The following CACNA2D4 variants were observed in gnomAD, a reference collection of about 807,000 sequenced individuals.
CACNA2D4 encodes the protein calcium voltage-gated channel auxiliary subunit alpha2delta 4.
CACNA2D4 carries 157 observed loss-of-function variants against 163.8 expected under a neutral mutation model. That is an observed-to-expected ratio of 0.96 (90% CI 0.84 to 1.09). The LOEUF is 1.09. Among genes scored for constraint, CACNA2D4 ranks in the 50% least tolerant of loss-of-function variants. The probability of loss-of-function intolerance (pLI) is 0.00; values close to 1 mark genes in which losing one functional copy is unlikely to be tolerated. For missense variants in CACNA2D4, 1,410 were observed against 1,479.9 expected (o/e 0.95, Z 0.78); for synonymous variants, 598 against 586.9 (o/e 1.02, Z -0.27).
In CACNA2D4 at chr12:1,839,354, C is replaced by T. The variant is rs990773288; in HGVS notation, c.2551+1385G>A. On this transcript the variant is annotated intron_variant, in intron 26 of 37. Coordinates refer to ENST00000382722, the MANE Select transcript of CACNA2D4 (RefSeq NM_172364.5). Reference sequence around the variant, plus strand: ...AAAACAAGGGTAAGGAGCGCTTCATCGCAGGGACCTGATCGTTCTCAGACA... The same window carrying T: ...AAAACAAGGGTAAGGAGCGCTTCATTGCAGGGACCTGATCGTTCTCAGACA... Among the ~76,000 whole-genome samples the T allele has an allele frequency of 1.4e-4, 21 of 152,346 alleles. No homozygotes were observed. In the East Asian group the frequency reaches 3.9e-3, roughly 28 times the overall value.
intron 1 of CACNA2D4, 27 bp from the exon 2 acceptor site, chr12:1,914,962 A>G: frequency 1.3e-6 from 2 of 1,512,212 alleles, no homozygotes; most frequent in Non-Finnish European, 9.2e-7. Context: ...GGACACGCGT[A>G]TACACACACG....
At chr12:1,876,683 T>G (rs2154449341) in intron 16 of CACNA2D4, among the ~76,000 whole-genome samples, 1 of 152,258 alleles carries the variant, frequency 6.6e-6, no homozygotes, top group East Asian at 1.9e-4. Flanking sequence ...GGATCCCCTT[T>G]CCCCTCTTTC....
At position 1,898,328 on chromosome 12, in the gene CACNA2D4, C is replaced by T. The variant is rs369698428; in HGVS notation, c.781+9112G>A. Among the ~76,000 whole-genome samples, 133 of 151,964 alleles carry T rather than the reference C, an allele frequency of 8.8e-4. 1 individual carries two copies. Among genetic ancestry groups the T allele is most frequent in the Non-Finnish European group, 1.6e-3 (111 of 67,976 alleles). On this transcript the variant is annotated intron_variant, in intron 6 of 37. Coordinates refer to ENST00000382722, the MANE Select transcript of CACNA2D4 (RefSeq NM_172364.5). ...GAGCAAATATTTGTAAATCATCAAT[C>T]CAACAAGAGGTTAATGTTCAGAATA...
intron 23 of CACNA2D4, among the ~76,000 whole-genome samples, chr12:1,847,235 A>G (rs1309037862): frequency 6.6e-6 from 1 of 152,198 alleles, no homozygotes; most frequent in Non-Finnish European, 1.5e-5. Flanking sequence ...TTGGCGTCAC[A>G]TATCTCCCTC....
chr12:1,834,469 G>GGAGCCC lies in CACNA2D4; in HGVS notation c.2551+6264_2551+6269dup. 6.2e-7 allele frequency: 1 copy of GGAGCCC among 1,610,640 alleles called. No individual in the cohort carries two copies. Among genetic ancestry groups the GGAGCCC allele is most frequent in the Non-Finnish European group, 8.5e-7 (1 of 1,179,804 alleles). ...CCAAGCCCGGGGCTGAGCCGGAGCCGGAGCCCAGCACAGCCTGCCCACAGA... is the reference window on the plus strand; with the variant it reads ...CCAAGCCCGGGGCTGAGCCGGAGCCGGAGCCCGAGCCCAGCACAGCCTGCCCACAGA... On this transcript the variant is annotated intron_variant, in intron 26 of 37. Transcript: ENST00000382722. This position sits in a 1 kb window ranked among gnomAD's most constrained non-coding sequence, Gnocchi z 7.6.
Position 1,877,016 on chromosome 12 carries a change from A to G in CACNA2D4, c.1719+1299T>C, listed in dbSNP as rs372998687. Among the ~76,000 whole-genome samples the G allele has an allele frequency of 3.9e-5, 6 of 152,290 alleles. No individual in the cohort carries two copies. In the East Asian group the frequency reaches 1.2e-3, roughly 29 times the overall value. ...CAAACGTAACTATTGTTTTCCTGAT[A>G]GTGCTTTCCTCAGATAACTCATTAC... On this transcript the variant is annotated intron_variant, in intron 16 of 37. Coordinates refer to ENST00000382722, the MANE Select transcript of CACNA2D4 (RefSeq NM_172364.5).
intron 6 of CACNA2D4, among the ~76,000 whole-genome samples, chr12:1,906,221 G>C (rs1866655779): frequency 6.6e-6 from 1 of 152,152 alleles, no homozygotes; most frequent in Non-Finnish European, 1.5e-5. Context: ...ACTCCTGTTA[G>C]AAAACATAGG....
At chr12:1,890,133 G>A (rs916144646) in intron 6 of CACNA2D4, among the ~76,000 whole-genome samples, 5 of 152,152 alleles carry the variant, frequency 3.3e-5, no homozygotes, top group Non-Finnish European at 7.4e-5. Flanking sequence ...AATCCTAGCC[G>A]CAGGAGAGCC....
intron 26 of CACNA2D4, among the ~76,000 whole-genome samples, chr12:1,818,452 T>G (rs1451981144): frequency 6.6e-6 from 1 of 151,486 alleles, no homozygotes; most frequent in African/African-American, 2.5e-5. Context: ...CTTGGGATCC[T>G]GTTGATCTGT....
At chr12:1,907,741 G>A in intron 5 of CACNA2D4, 134 bp downstream of exon 5, 1 of 1,247,032 alleles carries the variant, frequency 8.0e-7, no homozygotes, top group Non-Finnish European at 1.1e-6. Flanking sequence ...CGTGCCTGGT[G>A]GGCGTGTCTG....
chr12:1,907,909 G>A lies in CACNA2D4; in HGVS notation c.615C>T (p.Ser205=), dbSNP rs1384215262. Residue 205 remains serine, a synonymous_variant, in exon 5 of 38, where the codon AGC becomes AGT. Coordinates refer to ENST00000382722, the MANE Select transcript of CACNA2D4 (RefSeq NM_172364.5). ...ACACGTTGGTGGGCAGCTGCACGCT[G>A]CTGATGGAGGTGTTCACCGGCAGGT... ...FSNLPVNTSI[S]SVQLPTNVYN... is the part of the protein sequence containing the mutation. 2 of 1,614,068 alleles carry A rather than the reference G, an allele frequency of 1.2e-6. No individual in the cohort carries two copies. The highest frequency in any genetic ancestry group is 1.1e-5 in the South Asian group (1 of 91,084).
intron 26 of CACNA2D4, among the ~76,000 whole-genome samples, chr12:1,816,211 C>G (rs919746584): frequency 6.6e-6 from 1 of 152,198 alleles, no homozygotes; most frequent in South Asian, 2.1e-4. Flanking sequence ...GAGACAACAC[C>G]TTATGATATT....
At chr12:1,880,953 G>C (rs903479200) in intron 13 of CACNA2D4, among the ~76,000 whole-genome samples, 1 of 152,190 alleles carries the variant, frequency 6.6e-6, no homozygotes, top group African/African-American at 2.4e-5. Flanking sequence ...ACATGTCTCA[G>C]TCTGGGAGGA....
At chr12:1,858,965 C>T (rs1173976953) in intron 19 of CACNA2D4, among the ~76,000 whole-genome samples, 2 of 152,206 alleles carry the variant, frequency 1.3e-5, no homozygotes, top group African/African-American at 4.8e-5. Context: ...AGAACAGTCT[C>T]TCTGTTTCAC....
chr12:1,810,865 C>A (rs534317774), intron 27 of CACNA2D4, among the ~76,000 whole-genome samples: 120 of 152,240 alleles, frequency 7.9e-4, no homozygotes, highest in Admixed American at 2.6e-3. Context: ...GCATTGTGTG[C>A]GTGGTATGCA....
rs768878740 is a variant in CACNA2D4, at chr12:1,907,991, C to T, written c.533G>A (p.Gly178Asp). The change falls in exon 5 of 38, where the codon GGC becomes GAC. Residue 178 changes from glycine (G) to aspartate (D), a missense_variant. Coordinates refer to ENST00000382722, the MANE Select transcript of CACNA2D4 (RefSeq NM_172364.5). ...SVLINERDEK[G>D]NFVELGAEFL... Reference sequence around the variant, plus strand: ...CTCGGCGCCCAGCTCCACGAAGTTGCCCTTCTCGTCCCTCTCGTTGATCAG... The same window carrying T: ...CTCGGCGCCCAGCTCCACGAAGTTGTCCTTCTCGTCCCTCTCGTTGATCAG... The T allele has an allele frequency of 2.5e-6, 4 of 1,614,038 alleles. No individual in the cohort carries two copies. The Admixed American group carries it at 6.7e-5, about 27-fold the overall frequency.
chr12:1,811,581 C>G, intron 27 of CACNA2D4, 81 bp downstream of exon 27: 1 of 1,407,994 alleles, frequency 7.1e-7, no homozygotes, highest in South Asian at 1.2e-5. Context: ...AGTGGAGCAT[C>G]CAAGGGGAGG....
chr12:1,910,852 GA>G (rs1866794850), intron 3 of CACNA2D4, among the ~76,000 whole-genome samples: 1 of 152,144 alleles, frequency 6.6e-6, no homozygotes. Flanking sequence ...AGAGGAAGGG[GA>G]TAGGGGAGTG....
At position 1,895,159 on chromosome 12, in the gene CACNA2D4, G is replaced by C. The variant is rs566749903; in HGVS notation, c.782-8090C>G. Reference sequence around the variant, plus strand: ...ACAGTAACTACCAAAAAAGTACCTAGGAATAAATTTAACCAAGAAGGTGAA... The same window carrying C: ...ACAGTAACTACCAAAAAAGTACCTACGAATAAATTTAACCAAGAAGGTGAA... On this transcript the variant is annotated intron_variant, in intron 6 of 37. Coordinates refer to ENST00000382722, the MANE Select transcript of CACNA2D4 (RefSeq NM_172364.5). Among the ~76,000 whole-genome samples, 3 of 151,924 alleles carry C rather than the reference G, an allele frequency of 2.0e-5. No individual in the cohort carries two copies. The East Asian group carries it at 5.8e-4, about 29-fold the overall frequency.
Sources: allele counts gnomAD v4.1 joint callset (sites outside exome capture counted in the v4.1 genomes callset), GRCh38; gene constraint gnomAD v4.1.1; non-coding constraint Gnocchi (gnomAD v3.1); transcripts MANE v1.5; gene names NCBI Gene and HGNC (gene_info 2026-07-23, HGNC 2026-07-21).